ITCH: variants seen among roughly 807,000 people sequenced by gnomAD.
ITCH encodes itchy E3 ubiquitin protein ligase, also known as E3 ubiquitin-protein ligase Itchy homolog.
A neutral mutation model predicts 126.8 loss-of-function variants in ITCH; 28 were observed. The ratio of observed to expected loss-of-function variants is 0.22; its 90% CI spans 0.16 to 0.30. The LOEUF is 0.30. ITCH is among the 10% of genes least tolerant of loss of function. The pLI is 1.00. For missense variants in ITCH, 631 were observed against 1,032.4 expected (o/e 0.61, Z 5.33); for synonymous variants, 342 against 340.0 (o/e 1.01, Z -0.06).
chr20:34,382,994 G>A (rs1371249608), intron 2 of ITCH, among the ~76,000 whole-genome samples: 1 of 151,786 alleles, frequency 6.6e-6, no homozygotes, highest in Non-Finnish European at 1.5e-5. Flanking sequence ...CGCCTGCCTC[G>A]GCCTCCCAAA....
At chr20:34,386,689 G>A (rs1258158433) in intron 2 of ITCH, among the ~76,000 whole-genome samples, 2 of 152,108 alleles carry the variant, frequency 1.3e-5, no homozygotes, top group Non-Finnish European at 2.9e-5. Context: ...GATGTGGCCT[G>A]TAAAAATATC....
chr20:34,424,725 A>G (rs6120642), intron 7 of ITCH, among the ~76,000 whole-genome samples, 200 bp downstream of exon 7: 67,639 of 151,694 alleles, frequency 0.45, 15,578 homozygotes, highest in Middle Eastern at 0.5. Context: ...GCTAGGGATA[A>G]CCAAATTGTT....
chr20:34,423,598 C>G (rs543068257), intron 6 of ITCH, among the ~76,000 whole-genome samples: 6 of 152,148 alleles, frequency 3.9e-5, no homozygotes, highest in African/African-American at 9.6e-5. Flanking sequence ...AGCACCCTCC[C>G]TCCAACACTT....
At chr20:34,438,337 G>A (rs1435074716) in intron 7 of ITCH, 137 bp from the exon 8 acceptor site, 2 of 838,114 alleles carry the variant, frequency 2.4e-6, no homozygotes, top group Non-Finnish European at 3.8e-6. Context: ...ATTTAATAAG[G>A]CTGACCAGAA....
chr20:34,375,664 G>C (rs2123016508), intron 2 of ITCH, among the ~76,000 whole-genome samples: 1 of 140,166 alleles, frequency 7.1e-6, no homozygotes, highest in South Asian at 2.3e-4. Context: ...TTAAGGTCTT[G>C]GGAATACACT....
intron 2 of ITCH, among the ~76,000 whole-genome samples, chr20:34,383,038 A>T (rs2038127892): frequency 6.6e-6 from 1 of 151,648 alleles, no homozygotes. Flanking sequence ...CACCGCGCCC[A>T]GTCCTTTTTT....
At chr20:34,439,924 C>T (rs1291524652) in intron 8 of ITCH, among the ~76,000 whole-genome samples, 1 of 152,100 alleles carries the variant, frequency 6.6e-6, no homozygotes, top group Non-Finnish European at 1.5e-5. Context: ...GTACATGCTT[C>T]GTGATTAGTA....
At chr20:34,425,762 A>AT (rs1335774816) in intron 7 of ITCH, among the ~76,000 whole-genome samples, 2 of 151,924 alleles carry the variant, frequency 1.3e-5, no homozygotes, top group African/African-American at 4.8e-5. Context: ...CCCCACCATC[A>AT]CCCTGTTGCC....
At chr20:34,376,694 C>T (rs1004564237) in intron 2 of ITCH, among the ~76,000 whole-genome samples, 1 of 151,928 alleles carries the variant, frequency 6.6e-6, no homozygotes, top group Admixed American at 6.6e-5. Context: ...AAGAGTCAAG[C>T]CTCTTATTTT....
intron 16 of ITCH, among the ~76,000 whole-genome samples, chr20:34,473,328 A>G (rs1187130612): frequency 6.6e-6 from 1 of 152,010 alleles, no homozygotes; most frequent in Non-Finnish European, 1.5e-5. Context: ...ACTTTTATGG[A>G]TTTATTTATA....
chr20:34,382,432 A>G (rs1326902275), intron 2 of ITCH, among the ~76,000 whole-genome samples: 1 of 152,102 alleles, frequency 6.6e-6, no homozygotes, highest in African/African-American at 2.4e-5. Flanking sequence ...CTTGAGATGG[A>G]GTCTCGCCTT....
chr20:34,470,240 C>T (rs921816297), intron 15 of ITCH, 120 bp downstream of exon 15: 11 of 818,498 alleles, frequency 1.3e-5, no homozygotes, highest in Non-Finnish European at 2.4e-5. Flanking sequence ...GCATTAGAAT[C>T]TCTTTCATCT....
At chr20:34,472,472 TTG>T (rs1386456794) in intron 16 of ITCH, among the ~76,000 whole-genome samples, 3 of 151,932 alleles carry the variant, frequency 2.0e-5, no homozygotes, top group South Asian at 2.1e-4. Flanking sequence ...GTTAAAATGA[TTG>T]TGTTATGTAG....
At chr20:34,405,232 C>A (rs566576369) in intron 3 of ITCH, among the ~76,000 whole-genome samples, 1 of 151,032 alleles carries the variant, frequency 6.6e-6, no homozygotes, top group African/African-American at 2.4e-5. Flanking sequence ...CAGCTGGGCA[C>A]AGTGGCTCAC....
chr20:34,460,695 G>T (rs1986425626), intron 13 of ITCH, among the ~76,000 whole-genome samples: 3 of 152,018 alleles, frequency 2.0e-5, no homozygotes, highest in Admixed American at 6.6e-5. Context: ...ATAAAGATAG[G>T]TATTAAGGAG....
At chr20:34,456,724 G>A (rs1030641164) in intron 12 of ITCH, among the ~76,000 whole-genome samples, 3 of 149,374 alleles carry the variant, frequency 2.0e-5, no homozygotes, top group Admixed American at 2.0e-4. Context: ...ATATATTAGT[G>A]GGCTGCCAGC....
chr20:34,364,258 T>C (rs1258432133), intron 1 of ITCH, among the ~76,000 whole-genome samples: 1 of 152,118 alleles, frequency 6.6e-6, no homozygotes, highest in East Asian at 1.9e-4. Context: ...GTTTTCTTGG[T>C]TGTATTCGTA....
chr20:34,480,311 C>T (rs939330364), intron 18 of ITCH, among the ~76,000 whole-genome samples: 3 of 152,124 alleles, frequency 2.0e-5, no homozygotes, highest in Non-Finnish European at 2.9e-5. Flanking sequence ...AATTCTCCTG[C>T]CTCAGCCTCC....
chr20:34,502,716 T>C (rs1201467901), intron 23 of ITCH, among the ~76,000 whole-genome samples: 2 of 143,200 alleles, frequency 1.4e-5, no homozygotes, highest in East Asian at 4.1e-4. Context: ...AAAAAGAAAA[T>C]GCTATAAAAT....
Sources: allele counts gnomAD v4.1 joint callset (sites outside exome capture counted in the v4.1 genomes callset), GRCh38; gene constraint gnomAD v4.1.1; transcripts MANE v1.5; gene names NCBI Gene and HGNC (gene_info 2026-07-23, HGNC 2026-07-21).